The following DACH2 variants were observed in gnomAD, a reference collection of about 807,000 sequenced individuals.
The protein encoded by DACH2 is dachshund homolog 2.
In DACH2, 17 loss-of-function variants were observed where a neutral mutation model predicts 35.8. The ratio of observed to expected loss-of-function variants is 0.48; its 90% CI spans 0.33 to 0.71. The LOEUF (loss-of-function observed/expected upper bound fraction) is 0.71. Ranked by LOEUF, DACH2 falls within the 30% of genes least tolerant of loss-of-function variation. The pLI is 0.02. For synonymous variants in DACH2, 195 were observed against 177.3 expected (o/e 1.10, Z -0.79); for missense variants, 469 against 472.7 (o/e 0.99, Z 0.07).
intron 5 of DACH2, among the ~76,000 whole-genome samples, chrX:86,698,483 A>T (rs2041092401): frequency 2.3e-5 from 2 of 88,400 alleles, no homozygotes; most frequent in East Asian, 3.6e-4. Flanking sequence ...AGATAAATTA[A>T]TTTTTTTAAT....
chrX:86,817,968 A>G (rs1223435839), intron 11 of DACH2, among the ~76,000 whole-genome samples: 1 of 112,218 alleles, frequency 8.9e-6, no homozygotes, highest in Non-Finnish European at 1.9e-5. Context: ...AAGGAATGAG[A>G]TGTAATTTAT....
chrX:86,700,945 T>C (rs2041135372), intron 5 of DACH2, among the ~76,000 whole-genome samples: 1 of 111,865 alleles, frequency 8.9e-6, no homozygotes, highest in African/African-American at 3.2e-5. Context: ...GTACCATTTA[T>C]ACAGAAAATG....
intron 1 of DACH2, among the ~76,000 whole-genome samples, chrX:86,170,483 G>A (rs1403651446): frequency 4.5e-5 from 5 of 112,180 alleles, no homozygotes; most frequent in Non-Finnish European, 9.4e-5. Context: ...CAGGGATTCA[G>A]GTACTACAGT....
At chrX:86,164,079 A>C (rs184505086) in intron 1 of DACH2, among the ~76,000 whole-genome samples, 242 of 111,142 alleles carry the variant, frequency 2.2e-3, no homozygotes, top group Non-Finnish European at 3.9e-3. Flanking sequence ...CCGCAACCTC[A>C]CCAGCATGTT....
chrX:86,368,929 A>G (rs934156562), intron 1 of DACH2, among the ~76,000 whole-genome samples: 21 of 111,153 alleles, frequency 1.9e-4, no homozygotes, highest in Admixed American at 8.7e-4. Context: ...TCATATTCAC[A>G]TAGATAAATA....
At chrX:86,669,653 C>T (rs1230539172) in intron 4 of DACH2, among the ~76,000 whole-genome samples, 1 of 111,274 alleles carries the variant, frequency 9.0e-6, no homozygotes, top group African/African-American at 3.3e-5. Flanking sequence ...AACTCCAAAG[C>T]TTACATTATT....
chrX:86,812,248 G>A (rs933859441), intron 7 of DACH2, among the ~76,000 whole-genome samples: 1 of 111,637 alleles, frequency 9.0e-6, no homozygotes, highest in African/African-American at 3.3e-5. Flanking sequence ...TTCAGAAAAG[G>A]CAAATCTTTG....
intron 3 of DACH2, among the ~76,000 whole-genome samples, chrX:86,644,448 C>G (rs758738748): frequency 2.1e-4 from 23 of 108,115 alleles, no homozygotes; most frequent in African/African-American, 7.8e-4. Flanking sequence ...AAAAACATTC[C>G]TTGCCCATGG....
chrX:86,664,879 G>A (rs1349821358), intron 4 of DACH2, among the ~76,000 whole-genome samples: 2 of 111,679 alleles, frequency 1.8e-5, no homozygotes, highest in Non-Finnish European at 3.8e-5. Flanking sequence ...AAATTTTCAA[G>A]TGCTTCGAAA....
At chrX:86,356,469 T>A (rs2035644710) in intron 1 of DACH2, among the ~76,000 whole-genome samples, 1 of 111,683 alleles carries the variant, frequency 9.0e-6, no homozygotes. Context: ...GGTAATGTGA[T>A]GCCTCCAGCT....
At position 86,714,507 on chromosome X, in the gene DACH2, A is replaced by G. The variant is rs748950573; in HGVS notation, c.932-41A>G. ...TACTTTTTAACAAACTATTTCAGATAATCATAATGTAACAAGTTTAATATG... is the reference window on the plus strand; with the variant it reads ...TACTTTTTAACAAACTATTTCAGATGATCATAATGTAACAAGTTTAATATG... On this transcript the variant is annotated intron_variant, in intron 5 of 11. Transcript: ENST00000373125. The G allele has an allele frequency of 4.7e-6, 5 of 1,071,608 alleles. 1 individual carries two copies. The East Asian group carries it at 1.6e-4, about 33-fold the overall frequency. 88.3% of individuals were successfully genotyped at this position (1,071,608 alleles called of 1,213,427 possible).
At chrX:86,206,400 T>A (rs962078322) in intron 1 of DACH2, among the ~76,000 whole-genome samples, 4 of 112,241 alleles carry the variant, frequency 3.6e-5, no homozygotes, top group Non-Finnish European at 7.5e-5. Context: ...GATGGTTGTG[T>A]CTGAGTCTGT....
intron 3 of DACH2, among the ~76,000 whole-genome samples, chrX:86,576,123 A>C (rs1042812151): frequency 6.2e-5 from 7 of 112,281 alleles, no homozygotes; most frequent in Admixed American, 9.5e-5. Flanking sequence ...AACATGGAGC[A>C]TGAATAGATA....
At chrX:86,306,304 T>G (rs1051197728) in intron 1 of DACH2, among the ~76,000 whole-genome samples, 1 of 112,143 alleles carries the variant, frequency 8.9e-6, no homozygotes, top group Non-Finnish European at 1.9e-5. Flanking sequence ...GCAACATGGA[T>G]AAACCTGGAG....
At chrX:86,753,310 A>G (rs5923629) in intron 7 of DACH2, among the ~76,000 whole-genome samples, 33,642 of 110,984 alleles carry the variant, frequency 0.3, 3,989 homozygotes, top group Middle Eastern at 0.4. Flanking sequence ...TTCTGAATGC[A>G]TTTGTTTAGA....
intron 1 of DACH2, among the ~76,000 whole-genome samples, chrX:86,376,151 ATG>A (rs57467884): frequency 0.058 from 5,477 of 95,174 alleles, 153 homozygotes; most frequent in East Asian, 0.22. Context: ...GTGTGTGTGT[ATG>A]TGTGTGTGTG....
chrX:86,712,528 G>A (rs1001396046), intron 5 of DACH2, among the ~76,000 whole-genome samples: 8 of 108,561 alleles, frequency 7.4e-5, no homozygotes, highest in Non-Finnish European at 1.3e-4. Flanking sequence ...ATATATATGT[G>A]TGTATATATG....
chrX:86,416,093 C>T (rs1244200599), intron 2 of DACH2, among the ~76,000 whole-genome samples: 1 of 111,855 alleles, frequency 8.9e-6, no homozygotes, highest in African/African-American at 3.3e-5. Context: ...GGAGAAAAAT[C>T]AAGAAAATGT....
rs2041088753 is a variant in DACH2, at chrX:86,698,149, A to T, written c.931+2970A>T. Among the ~76,000 whole-genome samples the T allele has an allele frequency of 2.7e-5, 3 of 111,369 alleles. No individual in the cohort carries two copies. The South Asian group carries it at 1.1e-3, about 41-fold the overall frequency. Reference sequence around the variant, plus strand: ...GGATTTCTCTTTAGAAACCAGGCAAACAGGAAGAGAGTAGAATGAAATATT... The same window carrying T: ...GGATTTCTCTTTAGAAACCAGGCAATCAGGAAGAGAGTAGAATGAAATATT... On this transcript the variant is annotated intron_variant, in intron 5 of 11. Coordinates refer to ENST00000373125, the MANE Select transcript of DACH2 (RefSeq NM_053281.3).
Sources: gnomAD v4.1 joint callset for allele counts (sites outside exome capture counted in the v4.1 genomes callset) on GRCh38, gnomAD v4.1.1 for gene constraint, MANE v1.5 for transcripts, NCBI Gene and HGNC (gene_info 2026-07-23, HGNC 2026-07-21) for gene names.